Variants in RYR2 observed in about 807,000 individuals in gnomAD.
RYR2 encodes the protein ryanodine receptor 2, also known as cardiac muscle ryanodine receptor-calcium release channel.
In RYR2, 227 loss-of-function variants were observed where a neutral mutation model predicts 601.1. The observed-to-expected ratio is 0.38, with a 90% CI of 0.34 to 0.42. RYR2 has a LOEUF of 0.42. Ranked by LOEUF, RYR2 falls within the 10% of genes least tolerant of loss-of-function variation. RYR2 has a pLI of 1.00. For missense variants in RYR2, 4,646 were observed against 6,156.5 expected, an observed-to-expected ratio of 0.75 and a Z score of 8.21; for synonymous variants, 2,223 against 2,175.1, an observed-to-expected ratio of 1.02 and a Z score of -0.61.
intron 17 of RYR2, among the ~76,000 whole-genome samples, chr1:237,481,342 A>G (rs1213236418): frequency 6.6e-6 from 1 of 152,138 alleles, no homozygotes; most frequent in East Asian, 1.9e-4. Context: ...GACTCAAATG[A>G]TTTCTTGACT....
intron 57 of RYR2, among the ~76,000 whole-genome samples, chr1:237,667,193 A>G (rs1023720872): frequency 6.6e-6 from 1 of 152,222 alleles, no homozygotes; most frequent in Non-Finnish European, 1.5e-5. Context: ...TATTGCCTTG[A>G]GACATAAAGT....
In RYR2 at chr1:237,771,992, CATT is replaced by C. The variant is rs747493684; in HGVS notation, c.11558-19_11558-17del. On this transcript the variant is annotated splice_polypyrimidine_tract_variant and intron_variant, in intron 85 of 104. Coordinates refer to ENST00000366574, the MANE Select transcript of RYR2 (RefSeq NM_001035.3). ...TGAACTTCTGAGCAAGCATTAATAACATTTTTTTATCTTGCATAGATTTTCAGA... is the reference window on the plus strand; with the variant it reads ...TGAACTTCTGAGCAAGCATTAATAACTTTTTATCTTGCATAGATTTTCAGA... 3 of 1,389,640 alleles carry C rather than the reference CATT, an allele frequency of 2.2e-6. No individual in the cohort carries two copies. The highest frequency in any genetic ancestry group is 3.0e-6 in the Non-Finnish European group (3 of 1,001,282). The allele number at this position is 1,389,640 out of a possible 1,614,324, so 86.1% of individuals were successfully genotyped here.
rs183851433 is a variant in RYR2 at position 237,086,238 on chromosome 1, C to A, written c.48+43669C>A. On this transcript the variant is annotated intron_variant, in intron 1 of 104. Coordinates refer to ENST00000366574, the MANE Select transcript of RYR2 (RefSeq NM_001035.3). Reference sequence around the variant, plus strand: ...GGCTGGTTTCTTCTAAAGCCTCTCCCCTTGACTCTTAGATGGCTGTCTTTT... The same window carrying A: ...GGCTGGTTTCTTCTAAAGCCTCTCCACTTGACTCTTAGATGGCTGTCTTTT... 2.6e-5 allele frequency among the ~76,000 whole-genome samples: 4 copies of A among 152,314 alleles called. No individual in the cohort carries two copies. In the East Asian group the frequency reaches 7.7e-4, roughly 29 times the overall value.
intron 1 of RYR2, among the ~76,000 whole-genome samples, chr1:237,241,943 G>T (rs1432080639): frequency 6.6e-6 from 1 of 152,122 alleles, no homozygotes; most frequent in East Asian, 1.9e-4. Flanking sequence ...GCTTTGGCTG[G>T]CTTCCTTACC....
chr1:237,499,775 G>A (rs1664439210), intron 20 of RYR2, among the ~76,000 whole-genome samples: 1 of 152,134 alleles, frequency 6.6e-6, no homozygotes, highest in Non-Finnish European at 1.5e-5. Context: ...AAAATACAAA[G>A]CATGTATCAC....
rs546635862 is a variant in RYR2, at chr1:237,093,408, C to CT, written c.48+50840dup. ...CAGATGATTTATTCATGACATGGAGCTGCCCGGGCAGTCACCTGGGAAAGA... is the reference window on the plus strand; with the variant it reads ...CAGATGATTTATTCATGACATGGAGCTTGCCCGGGCAGTCACCTGGGAAAGA... On this transcript the variant is annotated intron_variant, in intron 1 of 104. Coordinates refer to ENST00000366574, the MANE Select transcript of RYR2 (RefSeq NM_001035.3). Among the ~76,000 whole-genome samples the CT allele has an allele frequency of 5.9e-5, 9 of 152,282 alleles. No homozygotes were observed. The South Asian group carries it at 1.9e-3, about 32-fold the overall frequency.
At chr1:237,342,151 C>T (rs1310574087) in intron 3 of RYR2, among the ~76,000 whole-genome samples, 1 of 94,844 alleles carries the variant, frequency 1.1e-5, no homozygotes, top group East Asian at 3.0e-4. Flanking sequence ...AGTTAAATAA[C>T]TTCCTTTTTT....
intron 1 of RYR2, among the ~76,000 whole-genome samples, chr1:237,108,235 G>A (rs1369797803): frequency 6.6e-6 from 1 of 152,178 alleles, no homozygotes; most frequent in Admixed American, 6.5e-5. Flanking sequence ...AGAGGGGCCT[G>A]GGAATCTGGG....
At chr1:237,595,700 T>G (rs771333499) in intron 34 of RYR2, 43 bp downstream of exon 34, 5 of 1,555,708 alleles carry the variant, frequency 3.2e-6, no homozygotes, top group Middle Eastern at 1.8e-4. Context: ...GGAGGAAGAC[T>G]TCTTTCCCCC....
At chr1:237,470,381 T>G (rs967688374) in intron 17 of RYR2, among the ~76,000 whole-genome samples, 1 of 152,262 alleles carries the variant, frequency 6.6e-6, no homozygotes, top group South Asian at 2.1e-4. Context: ...GAAACAACCA[T>G]GATCAGAGAG....
chr1:237,545,152 C>T (rs1030211158), intron 25 of RYR2, among the ~76,000 whole-genome samples: 5 of 152,194 alleles, frequency 3.3e-5, no homozygotes, highest in African/African-American at 1.2e-4. Flanking sequence ...AAATGCATCT[C>T]CATAAGTTTT....
At chr1:237,179,688 C>T (rs531433373) in intron 1 of RYR2, among the ~76,000 whole-genome samples, 47 of 152,204 alleles carry the variant, frequency 3.1e-4, no homozygotes, top group African/African-American at 1.1e-3. Context: ...ACCCATATAC[C>T]AGCTGCCCAC....
chr1:237,342,885 A>T (rs1175121462), intron 3 of RYR2, among the ~76,000 whole-genome samples: 1 of 152,168 alleles, frequency 6.6e-6, no homozygotes, highest in Non-Finnish European at 1.5e-5. Context: ...GACAAGAAGA[A>T]CATATTGAAA....
At chr1:237,368,354 T>G (rs905607326) in intron 5 of RYR2, among the ~76,000 whole-genome samples, 1 of 152,122 alleles carries the variant, frequency 6.6e-6, no homozygotes. Flanking sequence ...TTAAAAAGGC[T>G]TTATAAGGCA....
At chr1:237,227,027 C>T (rs1172927428) in intron 1 of RYR2, among the ~76,000 whole-genome samples, 5 of 152,156 alleles carry the variant, frequency 3.3e-5, no homozygotes, top group Non-Finnish European at 7.3e-5. Flanking sequence ...CTTTGCAAAG[C>T]CTCCCAAAGT....
At chr1:237,748,803 C>A (rs1558336578) in intron 80 of RYR2, among the ~76,000 whole-genome samples, 1 of 152,204 alleles carries the variant, frequency 6.6e-6, no homozygotes, top group Non-Finnish European at 1.5e-5. Context: ...TTGGATTCAG[C>A]CAACTACAGA....
intron 27 of RYR2, among the ~76,000 whole-genome samples, chr1:237,552,091 T>C (rs1670459280): frequency 6.6e-6 from 1 of 152,242 alleles, no homozygotes; most frequent in South Asian, 2.1e-4. Flanking sequence ...ATATCCATAA[T>C]GCTAACATAA....
chr1:237,702,755 G>A (rs1688066219), intron 66 of RYR2, among the ~76,000 whole-genome samples: 1 of 151,942 alleles, frequency 6.6e-6, no homozygotes, highest in Non-Finnish European at 1.5e-5. Flanking sequence ...AAACCCATGA[G>A]ACTAGCCAAC....
intron 1 of RYR2, among the ~76,000 whole-genome samples, chr1:237,192,274 T>A (rs1680048063): frequency 6.6e-6 from 1 of 152,126 alleles, no homozygotes; most frequent in African/African-American, 2.4e-5. Flanking sequence ...AATGGTGTGA[T>A]CTTGGTTCAC....
Sources: gnomAD v4.1 joint callset for allele counts (sites outside exome capture counted in the v4.1 genomes callset) on GRCh38, gnomAD v4.1.1 for gene constraint, MANE v1.5 for transcripts, NCBI Gene and HGNC (gene_info 2026-07-23, HGNC 2026-07-21) for gene names.